MCTP2: variants seen among roughly 807,000 people sequenced by gnomAD.
MCTP2 encodes multiple C2 and transmembrane domain-containing protein 2.
In MCTP2, 132 loss-of-function variants were observed where a neutral mutation model predicts 111.6. That is an observed-to-expected ratio of 1.18 (90% CI 1.03 to 1.37). The LOEUF is 1.37. Ranked by LOEUF, MCTP2 falls within the 40% of genes most tolerant of loss-of-function variation. MCTP2 has a pLI of 0.00. For synonymous variants in MCTP2, 395 were observed against 387.7 expected (o/e 1.02, Z -0.22); for missense variants, 1,183 against 1,067.9 (o/e 1.11, Z -1.50).
chr15:94,276,494 T>TA (rs1252350950), intron 1 of MCTP2, among the ~76,000 whole-genome samples: 4 of 151,978 alleles, frequency 2.6e-5, no homozygotes, highest in African/African-American at 9.7e-5. Context: ...ATTCCACTCT[T>TA]ACACTAAGTC....
At chr15:94,244,169 T>G (rs1352883324) in intron 1 of MCTP2, among the ~76,000 whole-genome samples, 2 of 147,330 alleles carry the variant, frequency 1.4e-5, no homozygotes, top group Non-Finnish European at 3.0e-5. Flanking sequence ...TACACGTGTA[T>G]ACACATACGT....
At chr15:94,378,828 A>G (rs549675499) in intron 12 of MCTP2, among the ~76,000 whole-genome samples, 5 of 152,302 alleles carry the variant, frequency 3.3e-5, no homozygotes, top group African/African-American at 1.2e-4. Flanking sequence ...TTAGGCCTAG[A>G]AGAACAGAGA....
intron 17 of MCTP2, among the ~76,000 whole-genome samples, chr15:94,414,796 G>T (rs1449404215): frequency 6.6e-6 from 1 of 152,018 alleles, no homozygotes; most frequent in African/African-American, 2.4e-5. Flanking sequence ...TTCCATTCAC[G>T]CCCCATGATC....
intron 10 of MCTP2, among the ~76,000 whole-genome samples, chr15:94,363,635 G>A (rs1227163853): frequency 6.6e-6 from 1 of 152,130 alleles, no homozygotes; most frequent in African/African-American, 2.4e-5. Flanking sequence ...TCTTGCAGAT[G>A]AGCTATGGGA....
intron 1 of MCTP2, among the ~76,000 whole-genome samples, chr15:94,289,174 AAC>A (rs1436904562): frequency 6.6e-6 from 1 of 152,180 alleles, no homozygotes; most frequent in South Asian, 2.1e-4. Context: ...AATCCAAATA[AAC>A]ACACACCCAG....
At chr15:94,331,192 T>C (rs966983583) in intron 4 of MCTP2, among the ~76,000 whole-genome samples, 1 of 152,234 alleles carries the variant, frequency 6.6e-6, no homozygotes, top group Non-Finnish European at 1.5e-5. Context: ...TTGATATTCA[T>C]AAAAATATTG....
intron 1 of MCTP2, among the ~76,000 whole-genome samples, chr15:94,243,946 T>C (rs1335498397): frequency 6.8e-6 from 1 of 147,286 alleles, no homozygotes; most frequent in Non-Finnish European, 1.5e-5. Context: ...CACATACATA[T>C]ATGTGTATAT....
chr15:94,245,169 C>A lies in MCTP2; in HGVS notation c.-66+13505C>A, dbSNP rs191654247. Among the ~76,000 whole-genome samples the A allele has an allele frequency of 1.6e-3, 231 of 145,476 alleles. 1 individual carries two copies. The highest frequency in any genetic ancestry group is 5.7e-3 in the African/African-American group (228 of 39,922). On this transcript the variant is annotated intron_variant, in intron 1 of 22. Transcript: ENST00000357742. ...ACACACATGTTTGTATATTTATACA[C>A]ATGTATAGATTTATACACACATATG...
chr15:94,416,998 A>G (rs537386254), intron 17 of MCTP2, among the ~76,000 whole-genome samples: 4 of 152,274 alleles, frequency 2.6e-5, no homozygotes, highest in East Asian at 1.9e-4. Flanking sequence ...CTCAAGTCTC[A>G]TGATGAAGCA....
rs189558918 is a variant in MCTP2, at chr15:94,479,485, T to A, written c.*451T>A. On this transcript the variant is annotated 3_prime_UTR_variant, in exon 23 of 23. Transcript: ENST00000357742. ...TTATCGTTCATGGGCGTAAGTCTCT[T>A]CTCAGAGTTAACAAGTCTTTGGTAG... The A allele has an allele frequency of 3.7e-3, 620 of 169,518 alleles. 3 individuals are homozygous for A. Among genetic ancestry groups the A allele is most frequent in the Non-Finnish European group, 4.3e-3 (334 of 78,144 alleles). 10.5% of individuals were successfully genotyped at this position (169,518 alleles called of 1,614,324 possible).
intron 2 of MCTP2, among the ~76,000 whole-genome samples, chr15:94,305,234 C>T (rs2152345761): frequency 6.6e-6 from 1 of 152,220 alleles, no homozygotes; most frequent in Admixed American, 6.5e-5. Context: ...TCTCTCATTC[C>T]CCACCATGTG....
At chr15:94,473,065 T>C (rs1203062301) in intron 21 of MCTP2, among the ~76,000 whole-genome samples, 8 of 115,028 alleles carry the variant, frequency 7.0e-5, no homozygotes, top group Non-Finnish European at 8.9e-5. Flanking sequence ...TCTATGTTTT[T>C]AATTTTTTGA....
At chr15:94,410,284 G>A (rs1322422375) in intron 17 of MCTP2, among the ~76,000 whole-genome samples, 1 of 152,094 alleles carries the variant, frequency 6.6e-6, no homozygotes, top group Non-Finnish European at 1.5e-5. Flanking sequence ...CAATGACAGG[G>A]TGGAAATGCA....
At chr15:94,477,878 C>A (rs1016640086) in intron 22 of MCTP2, among the ~76,000 whole-genome samples, 1 of 151,938 alleles carries the variant, frequency 6.6e-6, no homozygotes, top group African/African-American at 2.4e-5. Flanking sequence ...AAATAATAAC[C>A]CGGCCCCTGT....
At chr15:94,475,933 G>C (rs2074312115) in intron 21 of MCTP2, among the ~76,000 whole-genome samples, 1 of 152,094 alleles carries the variant, frequency 6.6e-6, no homozygotes, top group Non-Finnish European at 1.5e-5. Context: ...AATTATCCTT[G>C]TCCTTGTCCT....
At chr15:94,294,145 A>G (rs1177841608) in intron 1 of MCTP2, among the ~76,000 whole-genome samples, 1 of 152,214 alleles carries the variant, frequency 6.6e-6, no homozygotes, top group Non-Finnish European at 1.5e-5. Context: ...CCGTTTAGAA[A>G]ACATTCCCCG....
chr15:94,449,985 T>C (rs2084341492), intron 19 of MCTP2, among the ~76,000 whole-genome samples: 1 of 152,150 alleles, frequency 6.6e-6, no homozygotes, highest in African/African-American at 2.4e-5. Context: ...TTCCAAATAT[T>C]TTTTTCCCTA....
At chr15:94,384,180 C>A in intron 13 of MCTP2, 56 bp downstream of exon 13, 1 of 1,199,826 alleles carries the variant, frequency 8.3e-7, no homozygotes, top group South Asian at 1.3e-5. Context: ...TAGTCTGGGG[C>A]TCTTGAGTGG....
intron 20 of MCTP2, among the ~76,000 whole-genome samples, chr15:94,461,509 C>T (rs1211996357): frequency 6.6e-6 from 1 of 152,050 alleles, no homozygotes; most frequent in Non-Finnish European, 1.5e-5. Context: ...TGCTAGACAG[C>T]AGGCAGAGTG....
Sources: gnomAD v4.1 joint callset for allele counts (sites outside exome capture counted in the v4.1 genomes callset) on GRCh38, gnomAD v4.1.1 for gene constraint, MANE v1.5 for transcripts, NCBI Gene and HGNC (gene_info 2026-07-23, HGNC 2026-07-21) for gene names.